Variants in RORC observed in about 807,000 individuals in gnomAD.
RORC encodes the protein nuclear receptor ROR-gamma.
RORC carries 13 observed loss-of-function variants against 64.5 expected under a neutral mutation model. That is an observed-to-expected ratio of 0.20 (90% CI 0.13 to 0.32). The LOEUF is 0.32. Ranked by LOEUF, RORC falls within the 10% of genes least tolerant of loss-of-function variation. The pLI is 1.00. For synonymous variants in RORC, 277 were observed against 259.3 expected, an observed-to-expected ratio of 1.07 and a Z score of -0.65; for missense variants, 468 against 669.5, an observed-to-expected ratio of 0.70 and a Z score of 3.32.
At chr1:151,811,650 A>C in intron 9 of RORC, 1 of 399,632 alleles carries the variant, frequency 2.5e-6, no homozygotes. Context: ...AGGTATGAGA[A>C]TTTCTGATCT....
At chr1:151,808,885 A>AC (rs1651411888) in intron 10 of RORC, among the ~76,000 whole-genome samples, 1 of 152,164 alleles carries the variant, frequency 6.6e-6, no homozygotes, top group South Asian at 2.1e-4. Context: ...TGGGGGAAGA[A>AC]CCCTCCAGGT....
intron 2 of RORC, among the ~76,000 whole-genome samples, chr1:151,828,346 G>A (rs989091407): frequency 1.3e-5 from 2 of 152,212 alleles, no homozygotes; most frequent in East Asian, 1.9e-4. Context: ...AGAAGGGCAC[G>A]CATGGCCCTG....
intron 2 of RORC, among the ~76,000 whole-genome samples, chr1:151,828,922 T>G (rs1439048961): frequency 6.7e-6 from 1 of 149,846 alleles, no homozygotes; most frequent in Non-Finnish European, 1.5e-5. Flanking sequence ...GAGGTTGCAG[T>G]GAGCCGAGAT....
chr1:151,824,499 A>C (rs1652115519), intron 2 of RORC, among the ~76,000 whole-genome samples: 1 of 152,186 alleles, frequency 6.6e-6, no homozygotes, highest in Non-Finnish European at 1.5e-5. Flanking sequence ...GGGAAACGGA[A>C]GCTCCAAGGG....
Position 151,830,952 on chromosome 1 carries a change from C to G in RORC, c.40+773G>C. Reference sequence around the variant, plus strand: ...CCCAGGCAGCCAGTTCTTCCTCCACCAGGTGGCCCTGGAGCTTGGTGGCTC... The same window carrying G: ...CCCAGGCAGCCAGTTCTTCCTCCACGAGGTGGCCCTGGAGCTTGGTGGCTC... On this transcript the variant is annotated intron_variant, in intron 1 of 10. Transcript: ENST00000318247. The surrounding 1 kb of genome is among the most constrained non-coding windows in gnomAD (Gnocchi z 4.0). 1 of 1,289,280 alleles carries G rather than the reference C, an allele frequency of 7.8e-7. No individual in the cohort carries two copies. The highest frequency in any genetic ancestry group is 1.0e-6 in the Non-Finnish European group (1 of 988,790). 79.9% of individuals were successfully genotyped at this position (1,289,280 alleles called of 1,614,324 possible).
intron 2 of RORC, among the ~76,000 whole-genome samples, chr1:151,819,717 T>A (rs1230124723): frequency 6.6e-6 from 1 of 152,178 alleles, no homozygotes; most frequent in Non-Finnish European, 1.5e-5. Flanking sequence ...GCCCCATGCT[T>A]GACCCACTGC....
At chr1:151,817,370 G>T (rs1172726487) in intron 2 of RORC, 90 bp from the exon 3 acceptor site, 4 of 855,248 alleles carry the variant, frequency 4.7e-6, no homozygotes, top group Admixed American at 1.9e-5. Flanking sequence ...GGTACCTGGT[G>T]CTTCCACTAC....
intron 4 of RORC, 85 bp downstream of exon 4, chr1:151,816,579 G>A (rs1351908179): frequency 1.5e-5 from 21 of 1,393,828 alleles, no homozygotes; most frequent in African/African-American, 2.9e-5. Context: ...CCGTCTTGCA[G>A]GTTAAGCCTT....
chr1:151,823,108 G>C (rs1161933322), intron 2 of RORC, among the ~76,000 whole-genome samples: 2 of 152,224 alleles, frequency 1.3e-5, no homozygotes, highest in African/African-American at 4.8e-5. Flanking sequence ...GACGGGGAAA[G>C]AGAAGGGTGC....
intron 3 of RORC, 32 bp from the exon 4 acceptor site, chr1:151,816,837 T>G (rs1651773054): frequency 6.7e-7 from 1 of 1,497,502 alleles, no homozygotes; most frequent in Admixed American, 2.2e-5. Flanking sequence ...CAAGACTGCT[T>G]ATCCTGGTCA....
intron 2 of RORC, chr1:151,825,788 T>C (rs1221584921): frequency 3.3e-6 from 3 of 919,032 alleles, no homozygotes; most frequent in Non-Finnish European, 5.0e-6. Context: ...GCTCCACCCA[T>C]CTCCCAACAG....
At chr1:151,811,222 C>T (rs1651510087) in intron 10 of RORC, 103 bp downstream of exon 10, 1 of 658,426 alleles carries the variant, frequency 1.5e-6, no homozygotes, top group Admixed American at 2.5e-5. Flanking sequence ...AGTGGTACTC[C>T]CGCACTCCCT....
intron 2 of RORC, 72 bp from the exon 3 acceptor site, chr1:151,817,352 C>T: frequency 9.8e-7 from 1 of 1,021,580 alleles, no homozygotes; most frequent in Non-Finnish European, 1.6e-6. Context: ...ACCTGGGCTG[C>T]AGATACAGGT....
At chr1:151,816,920 T>C in intron 3 of RORC, 115 bp from the exon 4 acceptor site, 1 of 1,139,576 alleles carries the variant, frequency 8.8e-7, no homozygotes, top group Non-Finnish European at 1.2e-6. Flanking sequence ...ACCTGTCAGT[T>C]TTCTCTCTCC....
chr1:151,812,455 G>T (rs1313740013), intron 9 of RORC: 1 of 156,990 alleles, frequency 6.4e-6, no homozygotes, highest in African/African-American at 2.4e-5. Context: ...GCTAGGCTAA[G>T]CTATGGTGTT....
intron 2 of RORC, among the ~76,000 whole-genome samples, chr1:151,828,762 C>T (rs1652289607): frequency 6.6e-6 from 1 of 152,108 alleles, no homozygotes; most frequent in African/African-American, 2.4e-5. Context: ...GGGTGGATCA[C>T]AAGGTCAAGA....
chr1:151,822,534 C>T (rs184392892), intron 2 of RORC, among the ~76,000 whole-genome samples: 42 of 152,212 alleles, frequency 2.8e-4, no homozygotes, highest in African/African-American at 9.2e-4. Flanking sequence ...CTGGTGCCTC[C>T]GCCACCCCCA....
At chr1:151,822,043 C>T (rs527339132) in intron 2 of RORC, among the ~76,000 whole-genome samples, 7 of 152,184 alleles carry the variant, frequency 4.6e-5, no homozygotes, top group African/African-American at 7.2e-5. Flanking sequence ...GGTTTCCATA[C>T]ATCTTGGTAT....
At chr1:151,810,364 C>T (rs1057311535) in intron 10 of RORC, among the ~76,000 whole-genome samples, 1 of 152,090 alleles carries the variant, frequency 6.6e-6, no homozygotes, top group African/African-American at 2.4e-5. Context: ...ATGACCCACT[C>T]CTTTTACCCC....
Sources: allele counts gnomAD v4.1 joint callset (sites outside exome capture counted in the v4.1 genomes callset), GRCh38; gene constraint gnomAD v4.1.1; non-coding constraint Gnocchi (gnomAD v3.1); transcripts MANE v1.5; gene names NCBI Gene and HGNC (gene_info 2026-07-23, HGNC 2026-07-21).